VAPA: variants seen among roughly 807,000 people sequenced by gnomAD.
VAPA encodes VAMP associated protein A, also known as vesicle-associated membrane protein-associated protein A.
VAPA carries 6 observed loss-of-function variants against 25.6 expected under a neutral mutation model. That is an observed-to-expected ratio of 0.23 (90% confidence interval 0.13 to 0.46). The LOEUF is 0.46. Ranked by LOEUF, VAPA falls within the 20% of genes least tolerant of loss-of-function variation. VAPA has a pLI of 0.99. For missense variants in VAPA, 244 were observed against 302.1 expected, an observed-to-expected ratio of 0.81 and a Z score of 1.43; for synonymous variants, 112 against 106.2, an observed-to-expected ratio of 1.05 and a Z score of -0.34.
intron 1 of VAPA, among the ~76,000 whole-genome samples, chr18:9,925,915 T>C (rs572966701): frequency 6.6e-6 from 1 of 152,264 alleles, no homozygotes; most frequent in South Asian, 2.1e-4. Flanking sequence ...AGAAAATAAA[T>C]ACCGTTTGGT....
rs1375277609 is a variant in VAPA, at chr18:9,957,459, T to C, written c.*3248T>C. The C allele has an allele frequency of 6.6e-6, 1 of 152,166 alleles. No individual in the cohort carries two copies. The highest frequency in any genetic ancestry group is 1.5e-5 in the Non-Finnish European group (1 of 68,032). 9.4% of individuals were successfully genotyped at this position (152,166 alleles called of 1,614,324 possible). A position where few individuals can be genotyped will look rare whatever the true frequency, so the allele number is the denominator to read the frequency against. On this transcript the variant is annotated 3_prime_UTR_variant, in exon 6 of 6. Transcript: ENST00000400000. Reference sequence around the variant, plus strand: ...TTTTAACAGTAGGGTAAAAATATAGTTTTTGAGGGTATTCCCAACTTGTGA... The same window carrying C: ...TTTTAACAGTAGGGTAAAAATATAGCTTTTGAGGGTATTCCCAACTTGTGA...
intron 1 of VAPA, among the ~76,000 whole-genome samples, chr18:9,919,318 T>C (rs1310545649): frequency 2.6e-5 from 4 of 152,260 alleles, no homozygotes; most frequent in Non-Finnish European, 5.9e-5. Context: ...CAAATTCATT[T>C]ATTTTTAAAA....
In VAPA at chr18:9,914,223, C is replaced by G; in HGVS notation, c.-34C>G. On this transcript the variant is annotated 5_prime_UTR_variant, in exon 1 of 6. Coordinates refer to ENST00000400000, the MANE Select transcript of VAPA (RefSeq NM_194434.3). The stretch of plus-strand genomic sequence containing the variant: ...CCGCCCCCAGTCAGCAAACCGCCGC[C>G]GCGGGCGCGCCCCCGCTCTGCGCTG... The G allele has an allele frequency of 6.4e-7, 1 of 1,559,596 alleles. No homozygotes were observed. The highest frequency in any genetic ancestry group is 1.4e-5 in the African/African-American group (1 of 70,304).
chr18:9,918,053 C>G (rs1402384955), intron 1 of VAPA, among the ~76,000 whole-genome samples: 1 of 151,804 alleles, frequency 6.6e-6, no homozygotes, highest in Non-Finnish European at 1.5e-5. Flanking sequence ...GTGCCTTCCT[C>G]TTGTAACACC....
rs958183122 is a variant in VAPA, at chr18:9,957,635, C to CT, written c.*3427dup. 3 of 152,128 alleles carry CT rather than the reference C, an allele frequency of 2.0e-5. No individual in the cohort carries two copies. The highest frequency in any genetic ancestry group is 1.3e-4 in the Admixed American group (2 of 15,284). 9.4% of individuals were successfully genotyped at this position (152,128 alleles called of 1,614,324 possible). On this transcript the variant is annotated 3_prime_UTR_variant, in exon 6 of 6. Coordinates refer to ENST00000400000, the MANE Select transcript of VAPA (RefSeq NM_194434.3). ...AAACGAAGATCAGAAGGTAAATGAT[C>CT]TTTATTTTCTAGCTTTAAAGGGAAA...
At chr18:9,944,882 GTT>G (rs1567900105) in intron 4 of VAPA, 3 of 1,601,096 alleles carry the variant, frequency 1.9e-6, no homozygotes, top group Non-Finnish European at 2.6e-6. Context: ...AGAAATCAGA[GTT>G]CGGTGAGAAT....
intron 1 of VAPA, among the ~76,000 whole-genome samples, chr18:9,920,395 C>G (rs1333484300): frequency 2.0e-5 from 3 of 152,160 alleles, no homozygotes; most frequent in African/African-American, 7.2e-5. Flanking sequence ...CTCTGCCTCC[C>G]GAGTTCAAGC....
intron 4 of VAPA, among the ~76,000 whole-genome samples, chr18:9,944,449 C>A (rs865813699): frequency 6.6e-6 from 1 of 151,932 alleles, no homozygotes; most frequent in Admixed American, 6.5e-5. Flanking sequence ...GTTTATTGGC[C>A]TGGGATGTGT....
intron 3 of VAPA, 23 bp from the exon 4 acceptor site, chr18:9,936,963 T>C (rs2069317584): frequency 1.3e-5 from 21 of 1,601,494 alleles, no homozygotes; most frequent in Non-Finnish European, 1.6e-5. Flanking sequence ...CTATGTCTCA[T>C]GTTTGGTTTT....
intron 5 of VAPA, 135 bp downstream of exon 5, chr18:9,950,703 TC>T: frequency 1.2e-6 from 1 of 812,518 alleles, no homozygotes; most frequent in Non-Finnish European, 1.9e-6. Context: ...GTGCCTTTGC[TC>T]CCCACCCTAC....
At chr18:9,948,538 T>A (rs1252394048) in intron 4 of VAPA, 1 of 150,568 alleles carries the variant, frequency 6.6e-6, no homozygotes, top group Non-Finnish European at 1.5e-5. Flanking sequence ...TTCTTTTAGT[T>A]TTTTTTCTCT....
chr18:9,945,010 G>A (rs909912817), intron 4 of VAPA: 5 of 1,614,062 alleles, frequency 3.1e-6, no homozygotes, highest in African/African-American at 2.7e-5. Flanking sequence ...GTTATCACAC[G>A]AAGGATGACC....
intron 1 of VAPA, among the ~76,000 whole-genome samples, chr18:9,915,347 T>G (rs553603703): frequency 4.6e-4 from 70 of 152,360 alleles, no homozygotes; most frequent in African/African-American, 1.6e-3. Flanking sequence ...TAGTCTGACT[T>G]GGTGATCCTG....
At chr18:9,945,182 C>T (rs1419419425) in intron 4 of VAPA, 1 of 1,120,838 alleles carries the variant, frequency 8.9e-7, no homozygotes, top group African/African-American at 1.6e-5. Context: ...TTGAACTATG[C>T]CTAAAATTAC....
intron 4 of VAPA, among the ~76,000 whole-genome samples, chr18:9,945,757 A>C (rs9948391): frequency 0.18 from 27,915 of 151,948 alleles, 2,675 homozygotes; most frequent in African/African-American, 0.24. Context: ...ATGTTTAATA[A>C]TTTTTTGTTT....
At chr18:9,927,668 C>A (rs1354659810) in intron 1 of VAPA, among the ~76,000 whole-genome samples, 1 of 152,092 alleles carries the variant, frequency 6.6e-6, no homozygotes, top group Non-Finnish European at 1.5e-5. Flanking sequence ...AGGCCAGTCT[C>A]ACTTGACTGA....
intron 1 of VAPA, among the ~76,000 whole-genome samples, chr18:9,923,110 T>C (rs1420394280): frequency 6.6e-6 from 1 of 152,230 alleles, no homozygotes; most frequent in Non-Finnish European, 1.5e-5. Context: ...TGCTGACTTA[T>C]GCATCATTAA....
rs1179087629 is a variant in VAPA at position 9,954,475 on chromosome 18, A to G, written c.*264A>G. On this transcript the variant is annotated 3_prime_UTR_variant, in exon 6 of 6. Transcript: ENST00000400000. ...ATTGAGTCCTTTATGAAATTCATAAATAAAGAATTGTTCTTTCTTTGTGGT... is the reference window on the plus strand; with the variant it reads ...ATTGAGTCCTTTATGAAATTCATAAGTAAAGAATTGTTCTTTCTTTGTGGT... The G allele has an allele frequency of 5.9e-6, 2 of 337,756 alleles. No homozygotes were observed. Among genetic ancestry groups the G allele is most frequent in the East Asian group, 5.3e-5 (1 of 18,964 alleles). The allele number at this position is 337,756 out of a possible 1,614,324, so 20.9% of individuals were successfully genotyped here. A position where few individuals can be genotyped will look rare whatever the true frequency, so the allele number is the denominator to read the frequency against.
intron 5 of VAPA, 148 bp from the exon 6 acceptor site, chr18:9,953,905 C>T (rs1426067578): frequency 2.3e-6 from 2 of 869,252 alleles, no homozygotes; most frequent in African/African-American, 1.7e-5. Context: ...CGGAAAGTTT[C>T]CTTATGTGGT....
Sources: gnomAD v4.1 joint callset for allele counts (sites outside exome capture counted in the v4.1 genomes callset) on GRCh38, gnomAD v4.1.1 for gene constraint, MANE v1.5 for transcripts, NCBI Gene and HGNC (gene_info 2026-07-23, HGNC 2026-07-21) for gene names.